Variants in PANK2 observed in about 807,000 individuals in gnomAD.
PANK2 encodes the protein pantothenate kinase 2, also known as pantothenate kinase 2, mitochondrial.
In PANK2, 36 loss-of-function variants were observed where a neutral mutation model predicts 43.1. The ratio of observed to expected loss-of-function variants is 0.84; its 90% CI spans 0.64 to 1.10. PANK2 has a LOEUF of 1.10. Among genes scored for constraint, PANK2 ranks in the 50% least tolerant of loss-of-function variants. PANK2 has a pLI of 0.00. For missense variants in PANK2, 576 were observed against 593.3 expected (o/e 0.97, Z 0.30); for synonymous variants, 281 against 238.2 (o/e 1.18, Z -1.66).
chr20:3,889,153 C>T, upstream of PANK2: 1 of 1,590,592 alleles, frequency 6.3e-7, no homozygotes, highest in East Asian at 2.3e-5. Flanking sequence ...GCGCCGCCAT[C>T]ACTCTCTTCT....
intron 1 of PANK2, among the ~76,000 whole-genome samples, chr20:3,907,058 G>T (rs901211649): frequency 3.5e-5 from 5 of 144,572 alleles, no homozygotes; most frequent in African/African-American, 1.0e-4. Context: ...GCCTCCCCAA[G>T]TGTTGGGATT....
upstream of PANK2, chr20:3,889,018 T>G (rs1037752336): frequency 8.9e-7 from 1 of 1,126,502 alleles, no homozygotes; most frequent in African/African-American, 1.6e-5. Context: ...AGCAGCGGGG[T>G]GGGACTCGGG....
chr20:3,920,545 A>G (rs1312209533), intron 6 of PANK2, among the ~76,000 whole-genome samples: 1 of 148,382 alleles, frequency 6.7e-6, no homozygotes, highest in Non-Finnish European at 1.5e-5. Flanking sequence ...CAACAACAAA[A>G]CAAACAAAAA....
chr20:3,888,949 C>CGTGT, upstream of PANK2: 2 of 562,090 alleles, frequency 3.6e-6, no homozygotes, highest in Non-Finnish European at 3.0e-6. Context: ...GACCAGCGGC[C>CGTGT]AGACGCTGCG....
In PANK2 at chr20:3,919,211, C is replaced by A. The variant is rs149853683; in HGVS notation, c.1332+415C>A. On this transcript the variant is annotated intron_variant, in intron 6 of 6. Transcript: ENST00000610179. ...ACAGGTGTGAACCACTGTGCCTGAA[C>A]TTTTTTGGTAGTTTAATTTCGTAAC... Among the ~76,000 whole-genome samples, 236 of 152,256 alleles carry A rather than the reference C, an allele frequency of 1.6e-3. 1 individual carries two copies. Among genetic ancestry groups the A allele is most frequent in the African/African-American group, 5.2e-3 (217 of 41,538 alleles).
rs1237564580 is a variant in PANK2, at chr20:3,901,652, A to G, written c.299-6274A>G. On this transcript the variant is annotated intron_variant, in intron 1 of 6. Transcript: ENST00000610179. ...TTAGTTTCAGATTGCTTATTTTTGT[A>G]AAAGTCAGTACTTTTGTTTATTTCT... The G allele has an allele frequency of 3.2e-6, 3 of 940,262 alleles. No homozygotes were observed. The African/African-American group carries it at 5.3e-5, about 17-fold the overall frequency. The allele number at this position is 940,262 out of a possible 1,614,324, so 58.2% of individuals were successfully genotyped here. A position where few individuals can be genotyped will look rare whatever the true frequency, so the allele number is the denominator to read the frequency against.
At chr20:3,892,293 G>A (rs1336128443) in intron 1 of PANK2, among the ~76,000 whole-genome samples, 7 of 148,090 alleles carry the variant, frequency 4.7e-5, no homozygotes, top group African/African-American at 1.2e-4. Flanking sequence ...GCAGTGAGCC[G>A]AAATTGTGCC....
intron 1 of PANK2, among the ~76,000 whole-genome samples, chr20:3,905,300 G>A (rs2090366758): frequency 6.6e-6 from 1 of 151,486 alleles, no homozygotes; most frequent in South Asian, 2.1e-4. Context: ...CTCTTTTGAG[G>A]CTTATGCATG....
Position 3,912,567 on chromosome 20 carries a change from C to T in PANK2, c.1015C>T (p.Leu339=). The T allele has an allele frequency of 6.2e-7, 1 of 1,614,120 alleles. No individual in the cohort carries two copies. ...TGGAGATAGCACCAAAGTGGATAAA[C>T]TAGTACGAGATATTTATGGAGGGGA... Residue 339 remains leucine, a synonymous_variant, in exon 4 of 7, where the codon CTA becomes TTA. Transcript: ENST00000610179.
chr20:3,928,290 A>G lies in PANK2; in HGVS notation c.*4996A>G, dbSNP rs2090757229. 2 of 152,212 alleles carry G rather than the reference A, an allele frequency of 1.3e-5. No homozygotes were observed. Among genetic ancestry groups the G allele is most frequent in the African/African-American group, 4.8e-5 (2 of 41,444 alleles). 9.4% of individuals were successfully genotyped at this position (152,212 alleles called of 1,614,324 possible). A position where few individuals can be genotyped will look rare whatever the true frequency, so the allele number is the denominator to read the frequency against. On this transcript the variant is annotated 3_prime_UTR_variant, in exon 7 of 7. Coordinates refer to ENST00000610179, the MANE Select transcript of PANK2 (RefSeq NM_001386393.1). ...AGGGCACCAGTTGCAATTTTAATCCAGGGGAGGATCTGGGCTGCTGCTGTA... is the reference window on the plus strand; with the variant it reads ...AGGGCACCAGTTGCAATTTTAATCCGGGGGAGGATCTGGGCTGCTGCTGTA...
chr20:3,901,434 A>AT (rs925579776), intron 1 of PANK2: 519 of 181,484 alleles, frequency 2.9e-3, no homozygotes, highest in Non-Finnish European at 4.6e-3. Flanking sequence ...TGTGAAAGTC[A>AT]TTTTTTTTTT....
At chr20:3,889,372 C>A, upstream of PANK2, 1 of 1,575,388 alleles carries the variant, frequency 6.3e-7, no homozygotes, top group South Asian at 1.2e-5. Flanking sequence ...GGCGGCCGGC[C>A]GAGGGCGCGC....
chr20:3,916,147 G>A (rs1263336195), intron 4 of PANK2, among the ~76,000 whole-genome samples: 1 of 152,086 alleles, frequency 6.6e-6, no homozygotes, highest in Non-Finnish European at 1.5e-5. Context: ...AGATTTTATT[G>A]TACAGGTGTT....
chr20:3,912,895 A>T (rs1371947248), intron 4 of PANK2, among the ~76,000 whole-genome samples: 2 of 129,210 alleles, frequency 1.5e-5, no homozygotes, highest in Non-Finnish European at 3.2e-5. Context: ...GGGTGCGGTG[A>T]GCTCCAGCCT....
chr20:3,895,407 CG>C (rs2090189490), intron 1 of PANK2, among the ~76,000 whole-genome samples: 1 of 151,338 alleles, frequency 6.6e-6, no homozygotes, highest in African/African-American at 2.4e-5. Flanking sequence ...TGCTTGAGCC[CG>C]GAAGATTGAG....
Position 3,908,206 on chromosome 20 carries a change from C to G in PANK2, c.579C>G (p.Asn193Lys). The G allele has an allele frequency of 6.2e-7, 1 of 1,613,886 alleles. No homozygotes were observed. Among genetic ancestry groups the G allele is most frequent in the Non-Finnish European group, 8.5e-7 (1 of 1,180,032 alleles). Residue 193 changes from asparagine (N) to lysine (K), a missense_variant, in exon 2 of 7, where the codon AAC (asparagine) becomes AAG (lysine). Physicochemically the swap from Asn to Lys is moderately conservative, Grantham distance 94. Coordinates refer to ENST00000610179, the MANE Select transcript of PANK2 (RefSeq NM_001386393.1). ...TTATTCAAATGGGCAGAGATAAAAA[C>G]TTCTCGAGTCTCCACACTGTCTTTT...
At chr20:3,901,634 C>G (rs2090303710) in intron 1 of PANK2, 1 of 971,512 alleles carries the variant, frequency 1.0e-6, no homozygotes, top group South Asian at 4.8e-5. Context: ...ATTTTAGTTT[C>G]AGATTGCTTA....
rs2090076610 is a variant in PANK2, at chr20:3,889,511, C to T, written c.81C>T (p.Gly27=). 2 of 1,448,174 alleles carry T rather than the reference C, an allele frequency of 1.4e-6. No individual in the cohort carries two copies. Among genetic ancestry groups the T allele is most frequent in the Non-Finnish European group, 1.8e-6 (2 of 1,111,178 alleles). The allele number at this position is 1,448,174 out of a possible 1,614,324, so 89.7% of individuals were successfully genotyped here. The change falls in exon 1 of 7, where the codon GGC becomes GGT. Residue 27 remains glycine (G), a synonymous_variant. Coordinates refer to ENST00000610179, the MANE Select transcript of PANK2 (RefSeq NM_001386393.1). ...TCGGCGCGCCCATGGAGCGCCACGG[C>T]AGGGCTTCCGCCACCTCCGTCTCGT...
chr20:3,904,267 T>C (rs2090351252), intron 1 of PANK2, among the ~76,000 whole-genome samples: 1 of 152,052 alleles, frequency 6.6e-6, no homozygotes, highest in African/African-American at 2.4e-5. Context: ...GAAATTAACA[T>C]GGACAAACTG....
Sources: gnomAD v4.1 joint callset for allele counts (sites outside exome capture counted in the v4.1 genomes callset) on GRCh38, gnomAD v4.1.1 for gene constraint, MANE v1.5 for transcripts, NCBI Gene and HGNC (gene_info 2026-07-23, HGNC 2026-07-21) for gene names.